The following LRRC8C variants were observed in gnomAD, a reference collection of about 807,000 sequenced individuals.
The protein encoded by LRRC8C is volume-regulated anion channel subunit LRRC8C.
A neutral mutation model predicts 55.3 loss-of-function variants in LRRC8C; 20 were observed. The ratio of observed to expected loss-of-function variants is 0.36; its 90% CI spans 0.25 to 0.53. The LOEUF is 0.53. Ranked by LOEUF, LRRC8C falls within the 20% of genes least tolerant of loss-of-function variation. LRRC8C has a pLI of 0.92. For missense variants in LRRC8C, 659 were observed against 951.4 expected, an observed-to-expected ratio of 0.69 and a Z score of 4.04; for synonymous variants, 376 against 360.7, an observed-to-expected ratio of 1.04 and a Z score of -0.48.
chr1:89,678,235 A>G (rs1171136989), intron 1 of LRRC8C, among the ~76,000 whole-genome samples: 1 of 152,242 alleles, frequency 6.6e-6, no homozygotes, highest in Non-Finnish European at 1.5e-5. Context: ...TTTCTTAACT[A>G]AAATTACTAT....
intron 2 of LRRC8C, among the ~76,000 whole-genome samples, chr1:89,700,494 G>A (rs975542559): frequency 3.9e-5 from 6 of 152,190 alleles, no homozygotes; most frequent in Admixed American, 2.0e-4. Flanking sequence ...TACTTTCAAC[G>A]GCAAAAACCA....
At chr1:89,639,348 G>A (rs1656391238) in intron 1 of LRRC8C, among the ~76,000 whole-genome samples, 1 of 151,686 alleles carries the variant, frequency 6.6e-6, no homozygotes, top group African/African-American at 2.4e-5. Flanking sequence ...ACAACAAGTA[G>A]ATCTGGGAGG....
At chr1:89,660,176 T>C (rs1315381202) in intron 1 of LRRC8C, among the ~76,000 whole-genome samples, 1 of 152,186 alleles carries the variant, frequency 6.6e-6, no homozygotes, top group Non-Finnish European at 1.5e-5. Flanking sequence ...AGATGTGATA[T>C]TAAAATATAA....
chr1:89,675,785 A>G (rs1175592918), intron 1 of LRRC8C, among the ~76,000 whole-genome samples: 1 of 152,208 alleles, frequency 6.6e-6, no homozygotes, highest in East Asian at 1.9e-4. Flanking sequence ...ACCTCATGGA[A>G]GAGTGTTTCT....
the LRRC8C span, among the ~76,000 whole-genome samples, chr1:89,620,691 C>T: frequency 6.6e-6 from 1 of 152,012 alleles, no homozygotes; most frequent in East Asian, 1.9e-4. Flanking sequence ...AATTCAAATA[C>T]TTCCAGTTAA....
chr1:89,647,925 C>T (rs1051706720), intron 1 of LRRC8C, among the ~76,000 whole-genome samples: 5 of 152,026 alleles, frequency 3.3e-5, no homozygotes, highest in South Asian at 2.1e-4. Context: ...AAAAATTAGC[C>T]GGGCATGGTG....
rs1658724091 is a variant in LRRC8C, at chr1:89,713,862, T to C, written c.1292T>C (p.Ile431Thr). ...NAHNRLELPL[I>T]MLSGLPDTVF... ...CATAATCGACTGGAATTGCCTCTTA[T>C]CATGCTCTCTGGCCTTCCAGACACT... The change falls in exon 3 of 3, where the codon ATC becomes ACC. Residue 431 changes from isoleucine (I) to threonine (T), a missense_variant. Ile to Thr is a moderately conservative substitution (Grantham distance 89). This residue lies in a region of LRRC8C where 344 missense variants were observed against 464.6 expected (regional missense o/e 0.74). Coordinates refer to ENST00000370454, the MANE Select transcript of LRRC8C (RefSeq NM_032270.5). This position sits in a 1 kb window ranked among gnomAD's most constrained non-coding sequence, Gnocchi z 5.2. The C allele has an allele frequency of 1.2e-6, 2 of 1,613,620 alleles. No individual in the cohort carries two copies. Among genetic ancestry groups the C allele is most frequent in the African/African-American group, 1.3e-5 (1 of 75,048 alleles).
At chr1:89,623,151 GACAC>G in the LRRC8C span, among the ~76,000 whole-genome samples, 6,810 of 149,540 alleles carry the variant, frequency 0.046, 415 homozygotes, top group African/African-American at 0.14. Flanking sequence ...AACTAACTCA[GACAC>G]ACACACACAC....
chr1:89,641,960 C>T (rs1656468083), intron 1 of LRRC8C, among the ~76,000 whole-genome samples: 2 of 152,226 alleles, frequency 1.3e-5, no homozygotes, highest in Admixed American at 1.3e-4. Context: ...AAGGCATTCG[C>T]TGCCATATGA....
At chr1:89,689,860 G>C (rs188575674) in intron 2 of LRRC8C, among the ~76,000 whole-genome samples, 295 of 152,148 alleles carry the variant, frequency 1.9e-3, no homozygotes, top group African/African-American at 6.5e-3. Context: ...AGAATCGCCT[G>C]AACCCGGGAG....
At chr1:89,626,794 T>C in the LRRC8C span, 2 of 152,118 alleles carry the variant, frequency 1.3e-5, no homozygotes, top group Non-Finnish European at 2.9e-5. Flanking sequence ...TTCATCAACA[T>C]GGAAGGTCTC....
intron 1 of LRRC8C, among the ~76,000 whole-genome samples, chr1:89,681,474 T>A (rs1657707671): frequency 6.6e-6 from 1 of 152,196 alleles, no homozygotes; most frequent in South Asian, 2.1e-4. Context: ...TATTAGTCTG[T>A]CCTCACGCTG....
chr1:89,650,289 A>G (rs996393765), intron 1 of LRRC8C, among the ~76,000 whole-genome samples: 3 of 152,178 alleles, frequency 2.0e-5, no homozygotes, highest in African/African-American at 7.2e-5. Context: ...GATTTATTTA[A>G]CTCATAAATG....
intron 1 of LRRC8C, among the ~76,000 whole-genome samples, chr1:89,660,445 G>T (rs1396040417): frequency 6.6e-6 from 1 of 152,124 alleles, no homozygotes; most frequent in Non-Finnish European, 1.5e-5. Flanking sequence ...CTGCACCCAG[G>T]CATCAGTGTT....
the LRRC8C span, among the ~76,000 whole-genome samples, chr1:89,622,406 C>A: frequency 2.0e-5 from 3 of 150,666 alleles, no homozygotes; most frequent in African/African-American, 7.4e-5. Context: ...GATCTCGGCT[C>A]ACTGCAAGCT....
intron 1 of LRRC8C, among the ~76,000 whole-genome samples, chr1:89,669,612 G>A (rs1467295594): frequency 2.6e-5 from 4 of 152,114 alleles, no homozygotes; most frequent in Non-Finnish European, 5.9e-5. Context: ...TGTGAAGCAA[G>A]ATACTGTTCT....
intron 1 of LRRC8C, among the ~76,000 whole-genome samples, chr1:89,657,660 G>A (rs1477239308): frequency 1.3e-5 from 2 of 150,082 alleles, no homozygotes; most frequent in African/African-American, 2.5e-5. Flanking sequence ...AGAATTGCTC[G>A]AACCCGGGAG....
At chr1:89,635,882 A>G (rs1188457471) in intron 1 of LRRC8C, among the ~76,000 whole-genome samples, 1 of 152,160 alleles carries the variant, frequency 6.6e-6, no homozygotes, top group African/African-American at 2.4e-5. Context: ...TTTATACTTC[A>G]TTTCTGGAGT....
chr1:89,620,406 T>C, the LRRC8C span, among the ~76,000 whole-genome samples: 2 of 152,046 alleles, frequency 1.3e-5, no homozygotes, highest in African/African-American at 2.4e-5. Flanking sequence ...ATTTAAAGAC[T>C]GATGGAATTT....
Sources: gnomAD v4.1 joint callset for allele counts (sites outside exome capture counted in the v4.1 genomes callset) on GRCh38, gnomAD v4.1.1 for gene constraint, gnomAD v4.1.1 regional missense constraint, Gnocchi (gnomAD v3.1) non-coding constraint, MANE v1.5 for transcripts, NCBI Gene and HGNC (gene_info 2026-07-23, HGNC 2026-07-21) for gene names.